CFAP299: variants seen among roughly 807,000 people sequenced by gnomAD.
The protein encoded by CFAP299 is cilia- and flagella-associated protein 299.
CFAP299 carries 21 observed loss-of-function variants against 27.0 expected under a neutral mutation model. The observed-to-expected ratio is 0.78, with a 90% CI of 0.55 to 1.12. The LOEUF (loss-of-function observed/expected upper bound fraction) is 1.12, where lower values mean the gene tolerates loss of function less well. CFAP299 is among the 50% of genes most tolerant of loss of function. The pLI is 0.00. For missense variants in CFAP299, 310 were observed against 276.6 expected (o/e 1.12, Z -0.86); for synonymous variants, 104 against 98.1 (o/e 1.06, Z -0.36).
At chr4:80,539,149 T>A (rs1409764823) in intron 2 of CFAP299, among the ~76,000 whole-genome samples, 1 of 152,232 alleles carries the variant, frequency 6.6e-6, no homozygotes, top group Non-Finnish European at 1.5e-5. Flanking sequence ...TTTGTAGCTA[T>A]ACAACATTTG....
chr4:80,728,798 G>A (rs889412232), intron 3 of CFAP299, among the ~76,000 whole-genome samples: 1 of 152,128 alleles, frequency 6.6e-6, no homozygotes, highest in African/African-American at 2.4e-5. Context: ...TGTCTCCATT[G>A]CTGTCAATGT....
intron 3 of CFAP299, among the ~76,000 whole-genome samples, chr4:80,607,931 G>T (rs1327448419): frequency 6.6e-6 from 1 of 152,142 alleles, no homozygotes. Flanking sequence ...ATTGAACTGG[G>T]AGCCTATGTA....
intron 3 of CFAP299, among the ~76,000 whole-genome samples, chr4:80,713,320 A>T (rs1722284349): frequency 1.3e-5 from 2 of 152,184 alleles, no homozygotes; most frequent in African/African-American, 4.8e-5. Context: ...AGTCCAGAGA[A>T]TTGCACATCC....
intron 3 of CFAP299, among the ~76,000 whole-genome samples, chr4:80,852,778 A>C (rs13131042): frequency 0.31 from 46,867 of 152,102 alleles, 9,459 homozygotes; most frequent in African/African-American, 0.57. Flanking sequence ...ATGACATCAC[A>C]AGTGTAAAGT....
At chr4:80,958,494 GTCAT>G (rs566899066) in intron 5 of CFAP299, among the ~76,000 whole-genome samples, 19 of 152,054 alleles carry the variant, frequency 1.2e-4, no homozygotes, top group Non-Finnish European at 2.1e-4. Context: ...AAGATCACAT[GTCAT>G]TTTCAAATGT....
At chr4:80,834,389 G>A (rs1203966191) in intron 3 of CFAP299, among the ~76,000 whole-genome samples, 2 of 152,182 alleles carry the variant, frequency 1.3e-5, no homozygotes, top group African/African-American at 4.8e-5. Flanking sequence ...TCTTGAGAAA[G>A]TGGCTGGAAC....
At chr4:80,670,929 T>A (rs1181786680) in intron 3 of CFAP299, among the ~76,000 whole-genome samples, 1 of 152,072 alleles carries the variant, frequency 6.6e-6, no homozygotes, top group Non-Finnish European at 1.5e-5. Flanking sequence ...TTTTCTCCCA[T>A]TCTATAGGTT....
chr4:80,582,050 T>C (rs1472484602), intron 2 of CFAP299, among the ~76,000 whole-genome samples: 1 of 151,908 alleles, frequency 6.6e-6, no homozygotes, highest in East Asian at 1.9e-4. Context: ...GTTTACTCTC[T>C]GTTTTGCCAT....
chr4:80,725,111 A>ATTTTTTTTTTTT lies in CFAP299; in HGVS notation c.333+141942_333+141953dup, dbSNP rs70956062. On this transcript the variant is annotated intron_variant, in intron 3 of 5. Transcript: ENST00000358105. ...AGGCATGCACCACCATGCCTGGCCA[A>ATTTTTTTTTTTT]TTTTTTTTTTTTTTTTTTTTTTTTT... Among the ~76,000 whole-genome samples the ATTTTTTTTTTTT allele has an allele frequency of 1.2e-4, 11 of 88,540 alleles. 1 individual carries two copies. The highest frequency in any genetic ancestry group is 1.8e-4 in the Non-Finnish European group (9 of 49,410). 58.1% of individuals were successfully genotyped at this position (88,540 alleles called of 152,430 possible).
rs184186973 is a variant in CFAP299 at position 80,677,512 on chromosome 4, C to T, written c.333+94329C>T. 5.0e-3 allele frequency among the ~76,000 whole-genome samples: 763 copies of T among 151,916 alleles called. 4 individuals are homozygous for T. Among genetic ancestry groups the T allele is most frequent in the Middle Eastern group, 0.02 (6 of 294 alleles). On this transcript the variant is annotated intron_variant, in intron 3 of 5. Transcript: ENST00000358105. Reference sequence around the variant, plus strand: ...TAATGTCATCTTTCCATAGCTAAAGCTTGAGATTTTATTTTTTCAAAGATG... The same window carrying T: ...TAATGTCATCTTTCCATAGCTAAAGTTTGAGATTTTATTTTTTCAAAGATG...
intron 2 of CFAP299, among the ~76,000 whole-genome samples, chr4:80,550,789 A>G (rs371731659): frequency 6.6e-6 from 1 of 150,544 alleles, no homozygotes; most frequent in South Asian, 2.1e-4. Context: ...ACACACGCAC[A>G]CACACACACG....
chr4:80,721,248 A>G (rs916380043), intron 3 of CFAP299, among the ~76,000 whole-genome samples: 1 of 152,238 alleles, frequency 6.6e-6, no homozygotes, highest in Non-Finnish European at 1.5e-5. Flanking sequence ...CCCAAATGTT[A>G]GAAACACAAA....
At chr4:80,336,283 T>C (rs1210083185) in intron 1 of CFAP299, among the ~76,000 whole-genome samples, 3 of 152,176 alleles carry the variant, frequency 2.0e-5, no homozygotes. Context: ...TGCCAATTGG[T>C]ATATTAAAGA....
chr4:80,566,786 G>A (rs1350397206), intron 2 of CFAP299, among the ~76,000 whole-genome samples: 5 of 152,036 alleles, frequency 3.3e-5, no homozygotes, highest in Non-Finnish European at 1.5e-5. Flanking sequence ...AGCTGCCTCC[G>A]AGGAGAGAAT....
chr4:80,480,082 AT>A (rs199779472), intron 2 of CFAP299, among the ~76,000 whole-genome samples: 3 of 151,230 alleles, frequency 2.0e-5, no homozygotes, highest in Non-Finnish European at 4.4e-5. Context: ...GTACCAGTGC[AT>A]TTTTTTTTAA....
intron 3 of CFAP299, among the ~76,000 whole-genome samples, chr4:80,614,048 A>T (rs1738144546): frequency 6.6e-6 from 1 of 152,072 alleles, no homozygotes; most frequent in South Asian, 2.1e-4. Flanking sequence ...GTTATTTGGA[A>T]CTGTAGTTTG....
intron 2 of CFAP299, among the ~76,000 whole-genome samples, chr4:80,520,881 C>T (rs1428371191): frequency 3.3e-5 from 5 of 151,910 alleles, no homozygotes; most frequent in Admixed American, 2.0e-4. Flanking sequence ...AATGTAAATT[C>T]GATGTGAGAA....
intron 2 of CFAP299, among the ~76,000 whole-genome samples, chr4:80,435,198 T>C (rs1451202098): frequency 6.6e-6 from 1 of 152,108 alleles, no homozygotes. Flanking sequence ...GGAGATAAGC[T>C]CAATGCCCTG....
intron 3 of CFAP299, among the ~76,000 whole-genome samples, chr4:80,834,832 C>T (rs986758260): frequency 5.9e-5 from 9 of 152,078 alleles, no homozygotes; most frequent in South Asian, 2.1e-4. Flanking sequence ...AGACTTGCAC[C>T]GCTGGACAAT....
Sources: gnomAD v4.1 joint callset for allele counts (sites outside exome capture counted in the v4.1 genomes callset) on GRCh38, gnomAD v4.1.1 for gene constraint, MANE v1.5 for transcripts, NCBI Gene and HGNC (gene_info 2026-07-23, HGNC 2026-07-21) for gene names.